CCDC12: variants seen among roughly 807,000 people sequenced by gnomAD.
The protein encoded by CCDC12 is coiled-coil domain-containing protein 12.
Under a neutral mutation model 25.7 loss-of-function variants are expected in CCDC12, and 28 were observed. The ratio of observed to expected loss-of-function variants is 1.09; its 90% CI spans 0.81 to 1.50. The LOEUF (loss-of-function observed/expected upper bound fraction) is 1.50, where lower values mean the gene tolerates loss of function less well. Ranked by LOEUF, CCDC12 falls within the 40% of genes most tolerant of loss-of-function variation. The probability of loss-of-function intolerance (pLI) is 0.00; values close to 1 mark genes in which losing one functional copy is unlikely to be tolerated. For synonymous variants in CCDC12, 75 were observed against 87.7 expected (o/e 0.86, Z 0.81); for missense variants, 198 against 210.0 (o/e 0.94, Z 0.35).
intron 1 of CCDC12, among the ~76,000 whole-genome samples, chr3:46,964,090 C>T (rs1178351950): frequency 6.4e-4 from 96 of 150,948 alleles, no homozygotes; most frequent in Non-Finnish European, 1.1e-3. Flanking sequence ...ATGTGAGGAG[C>T]GCCTCTGCCT....
At chr3:46,951,794 A>AT (rs1206045303) in intron 1 of CCDC12, among the ~76,000 whole-genome samples, 7 of 23,586 alleles carry the variant, frequency 3.0e-4, no homozygotes, top group Non-Finnish European at 6.0e-4. Flanking sequence ...AAAAAAAAAA[A>AT]AAAAATATAT....
intron 1 of CCDC12, among the ~76,000 whole-genome samples, chr3:46,952,607 G>A (rs533038647): frequency 1.3e-5 from 2 of 152,306 alleles, no homozygotes; most frequent in Admixed American, 1.3e-4. Flanking sequence ...AAAATTGGAA[G>A]ATTTTCCATT....
At chr3:46,923,585 C>T in intron 4 of CCDC12, 22 bp downstream of exon 4, 1 of 1,603,108 alleles carries the variant, frequency 6.2e-7, no homozygotes, top group Non-Finnish European at 8.5e-7. Flanking sequence ...AGCGAGGATG[C>T]CAGGGTGGTC....
intron 1 of CCDC12, among the ~76,000 whole-genome samples, chr3:46,969,716 A>T (rs1449875841): frequency 6.6e-6 from 1 of 152,152 alleles, no homozygotes; most frequent in East Asian, 1.9e-4. Flanking sequence ...TGTGATGGTC[A>T]TCTGGGTTTC....
At position 46,921,839 on chromosome 3, in the gene CCDC12, C is replaced by A. The variant is rs1038009217; in HGVS notation, c.*218G>T. 1 of 597,088 alleles carries A rather than the reference C, an allele frequency of 1.7e-6. No homozygotes were observed. The allele number at this position is 597,088 out of a possible 1,614,324, so 37.0% of individuals were successfully genotyped here. A position where few individuals can be genotyped will look rare whatever the true frequency, so the allele number is the denominator to read the frequency against. On this transcript the variant is annotated 3_prime_UTR_variant, in exon 7 of 7. Coordinates refer to ENST00000683445, the MANE Select transcript of CCDC12 (RefSeq NM_001277074.2). ...ACATCCACATGTGCAGACACAGGCA[C>A]GCCCAGAGTTGTTGCTGGTTCTGCC...
At chr3:46,944,307 G>GT (rs1042602228) in intron 1 of CCDC12, among the ~76,000 whole-genome samples, 2 of 152,136 alleles carry the variant, frequency 1.3e-5, no homozygotes, top group African/African-American at 2.4e-5. Flanking sequence ...GCTATCAAGA[G>GT]TGGAAGAGTG....
chr3:46,976,956 GCA>G, upstream of CCDC12: 10 of 301,214 alleles, frequency 3.3e-5, no homozygotes, highest in Non-Finnish European at 4.0e-5. Context: ...TGGGGAGCCA[GCA>G]AAAAAAAAAA....
chr3:46,969,215 A>G (rs2034727151), intron 1 of CCDC12, among the ~76,000 whole-genome samples: 1 of 151,692 alleles, frequency 6.6e-6, no homozygotes. Flanking sequence ...CCCTCCCCCA[A>G]CCTGGCCAGG....
intron 2 of CCDC12, among the ~76,000 whole-genome samples, chr3:46,939,796 C>T (rs2107135330): frequency 6.6e-6 from 1 of 152,326 alleles, no homozygotes; most frequent in South Asian, 2.1e-4. Context: ...TCTGTGATTG[C>T]TCCTGATTAC....
chr3:46,979,803 G>T, upstream of CCDC12: 4 of 393,446 alleles, frequency 1.0e-5, no homozygotes, highest in Non-Finnish European at 1.8e-5. Context: ...GCAACCGGCG[G>T]GCGGCGCGGA....
chr3:46,965,600 C>T (rs1314490954), intron 1 of CCDC12, among the ~76,000 whole-genome samples: 1 of 152,238 alleles, frequency 6.6e-6, no homozygotes, highest in African/African-American at 2.4e-5. Context: ...TTCCCTGTAG[C>T]TCACTGCAGA....
rs186309855 is a variant in CCDC12 at position 46,949,246 on chromosome 3, T to C, written c.97-8181A>G. Among the ~76,000 whole-genome samples the C allele has an allele frequency of 1.9e-3, 290 of 152,210 alleles. 4 individuals carry two copies. The highest frequency in any genetic ancestry group is 6.7e-3 in the African/African-American group (278 of 41,518). On this transcript the variant is annotated intron_variant, in intron 1 of 6. Coordinates refer to ENST00000683445, the MANE Select transcript of CCDC12 (RefSeq NM_001277074.2). ...GAGGCTTTCCAAAGGAAGTGTCACC[T>C]TAAAGGATGAGTGACAGTGGGGACA...
chr3:46,977,734 GT>G (rs1258567221), upstream of CCDC12, among the ~76,000 whole-genome samples: 1 of 152,126 alleles, frequency 6.6e-6, no homozygotes, highest in African/African-American at 2.4e-5. Flanking sequence ...AGTCCTCAGG[GT>G]CAAGTTACCT....
intron 1 of CCDC12, among the ~76,000 whole-genome samples, chr3:46,968,310 T>C (rs1368998259): frequency 1.3e-5 from 2 of 150,778 alleles, no homozygotes; most frequent in Non-Finnish European, 2.9e-5. Flanking sequence ...CTAGGATGAG[T>C]AAAGCCAGGG....
intron 2 of CCDC12, among the ~76,000 whole-genome samples, chr3:46,938,822 A>G (rs2033571104): frequency 6.6e-6 from 1 of 151,896 alleles, no homozygotes. Flanking sequence ...ACTGCACTCC[A>G]GCCTGGGTGA....
chr3:46,980,001 C>A, upstream of CCDC12: 1 of 119,700 alleles, frequency 8.4e-6, no homozygotes, highest in Non-Finnish European at 1.7e-5. Context: ...GCGCCCCGCG[C>A]CGCTGGGGCC....
rs542321276 is a variant in CCDC12, at chr3:46,930,447, TG to T, written c.165-4913del. Among the ~76,000 whole-genome samples, 34 of 152,338 alleles carry T rather than the reference TG, an allele frequency of 2.2e-4. 1 individual carries two copies. In the South Asian group the frequency reaches 6.8e-3, roughly 31 times the overall value. ...CAAGCCATGCTTTTTTGGGGCTTTC[TG>T]CCCCCAGAGTCTATGGGAAGGAGGG... is the stretch of plus-strand genomic sequence containing the variant. On this transcript the variant is annotated intron_variant, in intron 2 of 6. Transcript: ENST00000683445.
At chr3:46,953,528 A>T (rs1390086149) in intron 1 of CCDC12, among the ~76,000 whole-genome samples, 1 of 151,972 alleles carries the variant, frequency 6.6e-6, no homozygotes, top group East Asian at 1.9e-4. Context: ...CACTATCTTG[A>T]CTCATACCCT....
chr3:46,934,999 G>C (rs1309157429), intron 2 of CCDC12, among the ~76,000 whole-genome samples: 5 of 152,244 alleles, frequency 3.3e-5, no homozygotes, highest in Non-Finnish European at 7.3e-5. Flanking sequence ...CCAGCACACA[G>C]AGCAGAGAGG....
Sources: gnomAD v4.1 joint callset for allele counts (sites outside exome capture counted in the v4.1 genomes callset) on GRCh38, gnomAD v4.1.1 for gene constraint, MANE v1.5 for transcripts, NCBI Gene and HGNC (gene_info 2026-07-23, HGNC 2026-07-21) for gene names.